MDGA2: variants seen among roughly 807,000 people sequenced by gnomAD.
MDGA2 encodes MAM domain-containing glycosylphosphatidylinositol anchor protein 2.
In MDGA2, 40 loss-of-function variants were observed where a neutral mutation model predicts 117.8. That is an observed-to-expected ratio of 0.34 (90% confidence interval 0.26 to 0.44). MDGA2 has a LOEUF of 0.44. Ranked by LOEUF, MDGA2 falls within the 20% of genes least tolerant of loss-of-function variation. The pLI, the probability that MDGA2 is intolerant of heterozygous loss-of-function variation, is 1.00. For synonymous variants in MDGA2, 452 were observed against 439.0 expected, an observed-to-expected ratio of 1.03 and a Z score of -0.37; for missense variants, 1,123 against 1,250.6, an observed-to-expected ratio of 0.90 and a Z score of 1.54.
rs571904527 is a variant in MDGA2, at chr14:47,563,071, T to C, written c.280+111446A>G. ...GTCATTTTTTTAGTATCAATTTCTA[T>C]TTCCATTGCATTGTGGTCTGAAAGC... is the stretch of plus-strand genomic sequence containing the variant. On this transcript the variant is annotated intron_variant, in intron 1 of 16. Coordinates refer to ENST00000399232, the MANE Select transcript of MDGA2 (RefSeq NM_001113498.3). Among the ~76,000 whole-genome samples, 24 of 152,326 alleles carry C rather than the reference T, an allele frequency of 1.6e-4. No individual in the cohort carries two copies. The South Asian group carries it at 5.0e-3, about 32-fold the overall frequency.
chr14:46,865,775 T>C (rs1302091960), intron 14 of MDGA2, among the ~76,000 whole-genome samples: 1 of 152,058 alleles, frequency 6.6e-6, no homozygotes, highest in Non-Finnish European at 1.5e-5. Context: ...AAATCATGAG[T>C]GAACTCCCAT....
chr14:47,583,623 C>T (rs181360308), intron 1 of MDGA2, among the ~76,000 whole-genome samples: 1 of 151,832 alleles, frequency 6.6e-6, no homozygotes, highest in Admixed American at 6.6e-5. Context: ...ATAAATTTTA[C>T]ATTATGTCTG....
At chr14:47,006,622 A>G (rs1887722088) in intron 8 of MDGA2, among the ~76,000 whole-genome samples, 2 of 151,418 alleles carry the variant, frequency 1.3e-5, no homozygotes, top group Non-Finnish European at 3.0e-5. Context: ...TTAATCCTCC[A>G]TATTAGGGAA....
At chr14:47,156,091 A>T (rs1379729456) in intron 3 of MDGA2, among the ~76,000 whole-genome samples, 3 of 150,972 alleles carry the variant, frequency 2.0e-5, no homozygotes. Flanking sequence ...TATTTTTAGT[A>T]GAGGCGGGGT....
rs1898139251 is a variant in MDGA2 at position 47,674,553 on chromosome 14, C to T, written c.244G>A (p.Val82Ile). ...LLYGLVWLLT[V>I]LLEGISGQGV... ...TGGCCAGAGATCCCCTCCAGGAGGA[C>T]TGTCAGCAGCCACACGAGACCGTAC... Residue 82 changes from valine (V) to isoleucine (I), a missense_variant, in exon 1 of 17, where the codon GTC becomes ATC. Around this residue, in one of 2 missense-constraint regions of MDGA2, gnomAD observed 233 missense variants for 200.3 expected, o/e 1.16. Transcript: ENST00000399232. 7 of 1,551,332 alleles carry T rather than the reference C, an allele frequency of 4.5e-6. No individual in the cohort carries two copies. Among genetic ancestry groups the T allele is most frequent in the Non-Finnish European group, 6.1e-6 (7 of 1,146,828 alleles).
At chr14:46,958,850 T>TTGC (rs1885668577) in intron 8 of MDGA2, among the ~76,000 whole-genome samples, 1 of 152,222 alleles carries the variant, frequency 6.6e-6, no homozygotes, top group African/African-American at 2.4e-5. Flanking sequence ...TTGTTAACAC[T>TTGC]TGCTGTATGA....
At chr14:47,494,876 T>TTATA (rs10627834) in intron 1 of MDGA2, among the ~76,000 whole-genome samples, 12,954 of 140,936 alleles carry the variant, frequency 0.092, 675 homozygotes, top group East Asian at 0.21. Flanking sequence ...TAAAATGTGA[T>TTATA]TATATATATA....
intron 5 of MDGA2, among the ~76,000 whole-genome samples, chr14:47,112,350 G>C (rs4898562): frequency 0.17 from 25,535 of 152,020 alleles, 2,384 homozygotes; most frequent in African/African-American, 0.23. Flanking sequence ...CCATCACCTA[G>C]GTATTAAGCC....
intron 6 of MDGA2, among the ~76,000 whole-genome samples, chr14:47,082,240 A>G (rs188658843): frequency 9.9e-5 from 15 of 151,992 alleles, no homozygotes; most frequent in Non-Finnish European, 1.9e-4. Context: ...TAGAGAAAAA[A>G]GAAAAACCAA....
At chr14:46,974,869 A>T (rs1445433151) in intron 8 of MDGA2, among the ~76,000 whole-genome samples, 1 of 151,936 alleles carries the variant, frequency 6.6e-6, no homozygotes, top group Non-Finnish European at 1.5e-5. Context: ...TGGAATTCGT[A>T]TTTTTTTTCA....
chr14:47,007,319 C>T (rs996308459), intron 8 of MDGA2, among the ~76,000 whole-genome samples: 3 of 151,758 alleles, frequency 2.0e-5, no homozygotes, highest in African/African-American at 7.3e-5. Flanking sequence ...TGCTGCCCTA[C>T]AATTTTTCAC....
intron 9 of MDGA2, among the ~76,000 whole-genome samples, chr14:46,942,103 G>A (rs1215754134): frequency 1.3e-5 from 2 of 152,090 alleles, no homozygotes; most frequent in Admixed American, 1.3e-4. Flanking sequence ...GTCTCTTAAT[G>A]CAAGAAATAT....
intron 1 of MDGA2, among the ~76,000 whole-genome samples, chr14:47,661,892 C>G (rs10140115): frequency 2.9e-4 from 44 of 151,554 alleles, no homozygotes; most frequent in African/African-American, 9.2e-4. Flanking sequence ...CCCGCCACTA[C>G]GCCCGGCTAA....
At chr14:47,256,145 G>A (rs8007475) in intron 2 of MDGA2, among the ~76,000 whole-genome samples, 31,620 of 147,960 alleles carry the variant, frequency 0.21, 4,138 homozygotes, top group East Asian at 0.45. Flanking sequence ...CACTCTGATG[G>A]CTATTTTATT....
At chr14:47,634,723 T>C (rs1397785370) in intron 1 of MDGA2, among the ~76,000 whole-genome samples, 1 of 152,116 alleles carries the variant, frequency 6.6e-6, no homozygotes, top group Non-Finnish European at 1.5e-5. Context: ...TCATGAGTTC[T>C]TGAGCCCCAG....
intron 1 of MDGA2, among the ~76,000 whole-genome samples, chr14:47,590,986 T>C (rs1436723539): frequency 2.0e-5 from 3 of 151,950 alleles, no homozygotes; most frequent in African/African-American, 7.2e-5. Flanking sequence ...TGATGAATTG[T>C]TAGAAAAAAA....
At chr14:46,881,009 A>AACACAC (rs72117373) in intron 11 of MDGA2, among the ~76,000 whole-genome samples, 5,539 of 145,654 alleles carry the variant, frequency 0.038, 154 homozygotes, top group South Asian at 0.11. Context: ...AACTATCACT[A>AACACAC]ACACACACAC....
Position 47,674,806 on chromosome 14 carries a change from C to G in MDGA2, c.-10G>C, listed in dbSNP as rs1179944146. On this transcript the variant is annotated 5_prime_UTR_variant, in exon 1 of 17. Coordinates refer to ENST00000399232, the MANE Select transcript of MDGA2 (RefSeq NM_001113498.3). Reference sequence around the variant, plus strand: ...CACTCCACACACTCATGCACACACACACTCACACACACTCACACACTCTCC... The same window carrying G: ...CACTCCACACACTCATGCACACACAGACTCACACACACTCACACACTCTCC... 1.6e-6 allele frequency: 1 copy of G among 643,376 alleles called. No homozygotes were observed. Among genetic ancestry groups the G allele is most frequent in the African/African-American group, 1.9e-5 (1 of 53,214 alleles). The allele number at this position is 643,376 out of a possible 1,614,324, so 39.9% of individuals were successfully genotyped here. A position where few individuals can be genotyped will look rare whatever the true frequency, so the allele number is the denominator to read the frequency against.
chr14:47,561,158 G>GTTTTTTTTTTTTTTTTT (rs200625450), intron 1 of MDGA2, among the ~76,000 whole-genome samples: 10 of 55,094 alleles, frequency 1.8e-4, no homozygotes, highest in South Asian at 1.0e-3. Flanking sequence ...TTTTTGTTTT[G>GTTTTTTTTTTTTTTTTT]TTTTGTTTTT....
Sources: allele counts gnomAD v4.1 joint callset (sites outside exome capture counted in the v4.1 genomes callset), GRCh38; gene constraint gnomAD v4.1.1; regional missense constraint gnomAD v4.1.1; transcripts MANE v1.5; gene names NCBI Gene and HGNC (gene_info 2026-07-23, HGNC 2026-07-21).